The following FOXN3 variants were observed in gnomAD, a reference collection of about 807,000 sequenced individuals.
FOXN3 encodes the protein forkhead box protein N3.
A neutral mutation model predicts 38.4 loss-of-function variants in FOXN3; 7 were observed. The observed-to-expected ratio is 0.18, with a 90% CI of 0.10 to 0.34. FOXN3 has a LOEUF of 0.34. Among genes scored for constraint, FOXN3 ranks in the 10% least tolerant of loss-of-function variants. The probability of loss-of-function intolerance (pLI) is 1.00; values close to 1 mark genes in which losing one functional copy is unlikely to be tolerated. For missense variants in FOXN3, 456 were observed against 613.4 expected, an observed-to-expected ratio of 0.74 and a Z score of 2.71; for synonymous variants, 230 against 242.2, an observed-to-expected ratio of 0.95 and a Z score of 0.47.
intron 4 of FOXN3, among the ~76,000 whole-genome samples, chr14:89,258,232 C>G (rs760054051): frequency 6.6e-6 from 1 of 152,164 alleles, no homozygotes; most frequent in Non-Finnish European, 1.5e-5. Flanking sequence ...TCCCACCTCC[C>G]TTAGTTCACC....
chr14:89,318,836 T>C (rs981360734), intron 3 of FOXN3, among the ~76,000 whole-genome samples: 1 of 152,218 alleles, frequency 6.6e-6, no homozygotes, highest in Non-Finnish European at 1.5e-5. Flanking sequence ...GCCGACCCGA[T>C]GCATCTGTAT....
At position 89,412,559 on chromosome 14, in the gene FOXN3, C is replaced by A; in HGVS notation, c.-14-69G>T. 7.3e-7 allele frequency: 1 copy of A among 1,362,880 alleles called. No individual in the cohort carries two copies. 84.4% of individuals were successfully genotyped at this position (1,362,880 alleles called of 1,614,324 possible). On this transcript the variant is annotated intron_variant, in intron 1 of 5. Transcript: ENST00000557258. The surrounding 1 kb of genome is among the most constrained non-coding windows in gnomAD (Gnocchi z 4.7). The stretch of plus-strand genomic sequence containing the variant: ...AAACAGAAAGGCAGACTGTACCCCT[C>A]TGATCCTGTTGCCTCCCTCTGCCGC...
intron 1 of FOXN3, among the ~76,000 whole-genome samples, chr14:89,467,800 C>CTTTTTTTTTTT (rs1383456566): frequency 1.7e-5 from 1 of 57,886 alleles, no homozygotes; most frequent in African/African-American, 5.3e-5. Flanking sequence ...TCTTTTCTTT[C>CTTTTTTTTTTT]TTTGTTTTTT....
At chr14:89,498,239 T>TG (rs1345948221) in intron 1 of FOXN3, among the ~76,000 whole-genome samples, 6 of 124,116 alleles carry the variant, frequency 4.8e-5, no homozygotes, top group Non-Finnish European at 9.6e-5. Flanking sequence ...TTTTTTGAGA[T>TG]GGAGTCTTGC....
intron 3 of FOXN3, among the ~76,000 whole-genome samples, chr14:89,302,719 C>G (rs1422128630): frequency 6.6e-6 from 1 of 152,198 alleles, no homozygotes; most frequent in Non-Finnish European, 1.5e-5. Flanking sequence ...TCCTCCAAAG[C>G]CACTTGCAGA....
At chr14:89,365,098 T>C (rs1596229721) in intron 2 of FOXN3, among the ~76,000 whole-genome samples, 1 of 152,150 alleles carries the variant, frequency 6.6e-6, no homozygotes, top group Non-Finnish European at 1.5e-5. Flanking sequence ...ACGCAGAATT[T>C]CCCCGAGCTT....
At chr14:89,248,279 C>A (rs1566938277) in intron 4 of FOXN3, among the ~76,000 whole-genome samples, 1 of 152,242 alleles carries the variant, frequency 6.6e-6, no homozygotes, top group Non-Finnish European at 1.5e-5. Context: ...ATATAAAATA[C>A]GCAGTTTACA....
At chr14:89,217,274 G>C (rs1884314127) in intron 4 of FOXN3, among the ~76,000 whole-genome samples, 1 of 152,006 alleles carries the variant, frequency 6.6e-6, no homozygotes, top group Non-Finnish European at 1.5e-5. Flanking sequence ...CAAGTAGCTG[G>C]GACTACAGGC....
intron 3 of FOXN3, among the ~76,000 whole-genome samples, chr14:89,345,088 A>G (rs1375116549): frequency 6.6e-6 from 1 of 152,180 alleles, no homozygotes; most frequent in Non-Finnish European, 1.5e-5. Flanking sequence ...GCCCGAGCTC[A>G]GCCACGGGTA....
intron 1 of FOXN3, among the ~76,000 whole-genome samples, chr14:89,613,668 G>A (rs1412122778): frequency 6.6e-6 from 1 of 152,098 alleles, no homozygotes; most frequent in African/African-American, 2.4e-5. Flanking sequence ...TGGCTTCCTG[G>A]AAAACTTATT....
chr14:89,581,411 G>A (rs1439062435), intron 1 of FOXN3, among the ~76,000 whole-genome samples: 1 of 151,990 alleles, frequency 6.6e-6, no homozygotes, highest in East Asian at 1.9e-4. Context: ...GAACCCAGGA[G>A]GCAGAGGTTG....
intron 1 of FOXN3, among the ~76,000 whole-genome samples, chr14:89,464,541 C>T (rs1251602351): frequency 6.6e-6 from 1 of 152,136 alleles, no homozygotes; most frequent in African/African-American, 2.4e-5. Context: ...TTTTGCTTAA[C>T]TTTTCAGTAA....
chr14:89,530,600 AT>A (rs1894538321), intron 1 of FOXN3, among the ~76,000 whole-genome samples: 1 of 151,796 alleles, frequency 6.6e-6, no homozygotes, highest in Non-Finnish European at 1.5e-5. Context: ...ATGTATATAT[AT>A]TTTATTTTAT....
In FOXN3 at chr14:89,169,541, CACACACACAAA is replaced by C. The variant is rs575487352; in HGVS notation, c.852-6583_852-6573del. On this transcript the variant is annotated intron_variant, in intron 5 of 5. Coordinates refer to ENST00000557258, the MANE Select transcript of FOXN3 (RefSeq NM_005197.4). Reference sequence around the variant, plus strand: ...CACACACACACACTCACAAAACACACACACACACAAAACACACACAAAGAAACAAAACCAGA... The same window carrying C: ...CACACACACACACTCACAAAACACACACACACACAAAGAAACAAAACCAGA... Among the ~76,000 whole-genome samples, 72 of 150,820 alleles carry C rather than the reference CACACACACAAA, an allele frequency of 4.8e-4. No homozygotes were observed. In the East Asian group the frequency reaches 0.013, roughly 28 times the overall value.
intron 2 of FOXN3, among the ~76,000 whole-genome samples, chr14:89,363,984 ATAT>A (rs1890040088): frequency 2.1e-5 from 2 of 93,436 alleles, no homozygotes; most frequent in African/African-American, 1.0e-4. Flanking sequence ...ATATATATAT[ATAT>A]AATATATATA....
intron 5 of FOXN3, among the ~76,000 whole-genome samples, chr14:89,169,385 G>C (rs1440650056): frequency 6.6e-6 from 1 of 152,168 alleles, no homozygotes; most frequent in Non-Finnish European, 1.5e-5. Flanking sequence ...AGGCTGCAGT[G>C]AGCTGTGTTC....
chr14:89,466,927 T>C (rs745884358), intron 1 of FOXN3, among the ~76,000 whole-genome samples: 4 of 152,220 alleles, frequency 2.6e-5, no homozygotes, highest in Non-Finnish European at 5.9e-5. Flanking sequence ...AATCTTCATC[T>C]ATGGAATGGG....
intron 1 of FOXN3, among the ~76,000 whole-genome samples, chr14:89,612,924 C>A (rs1896421237): frequency 6.6e-6 from 1 of 151,760 alleles, no homozygotes; most frequent in Non-Finnish European, 1.5e-5. Flanking sequence ...TTCAGACGAG[C>A]CTGGCCAGCA....
At chr14:89,356,495 CTT>C (rs1351280178) in intron 2 of FOXN3, 3 of 152,158 alleles carry the variant, frequency 2.0e-5, no homozygotes, top group Non-Finnish European at 4.4e-5. Flanking sequence ...GATATTTACA[CTT>C]CAGAAATATT....
Sources: allele counts gnomAD v4.1 joint callset (sites outside exome capture counted in the v4.1 genomes callset), GRCh38; gene constraint gnomAD v4.1.1; non-coding constraint Gnocchi (gnomAD v3.1); transcripts MANE v1.5; gene names NCBI Gene and HGNC (gene_info 2026-07-23, HGNC 2026-07-21).